ILDR2: variants seen among roughly 807,000 people sequenced by gnomAD.
The protein encoded by ILDR2 is immunoglobulin like domain containing receptor 2.
A neutral mutation model predicts 66.8 loss-of-function variants in ILDR2; 25 were observed. The observed-to-expected ratio is 0.37, with a 90% CI of 0.27 to 0.52. ILDR2 has a LOEUF of 0.52. ILDR2 is among the 20% of genes least tolerant of loss of function. The pLI is 0.88. For synonymous variants in ILDR2, 367 were observed against 357.2 expected, an observed-to-expected ratio of 1.03 and a Z score of -0.31; for missense variants, 827 against 876.8, an observed-to-expected ratio of 0.94 and a Z score of 0.72.
intron 3 of ILDR2, 119 bp downstream of exon 3, chr1:166,956,614 A>C: frequency 9.5e-7 from 1 of 1,050,438 alleles, no homozygotes; most frequent in South Asian, 1.7e-5. Flanking sequence ...GTGTGCATGA[A>C]AGATAAGACT....
chr1:166,954,526 T>TA (rs1347052287), intron 3 of ILDR2, among the ~76,000 whole-genome samples: 1 of 152,216 alleles, frequency 6.6e-6, no homozygotes, highest in African/African-American at 2.4e-5. Flanking sequence ...TGAACATCTC[T>TA]AATGTTGAAC....
intron 1 of ILDR2, among the ~76,000 whole-genome samples, chr1:166,969,037 A>G (rs1339878803): frequency 1.3e-5 from 2 of 152,196 alleles, no homozygotes; most frequent in Non-Finnish European, 2.9e-5. Flanking sequence ...TGTGCCAAAC[A>G]TTGTGCTAGA....
chr1:166,930,629 C>T (rs1273325476), intron 6 of ILDR2, among the ~76,000 whole-genome samples: 1 of 152,104 alleles, frequency 6.6e-6, no homozygotes, highest in Non-Finnish European at 1.5e-5. Flanking sequence ...TATGAAACAC[C>T]AGAAAACCTT....
At position 166,909,754 on chromosome 1, in the gene ILDR2, T is replaced by TAA. The variant is rs1450280557; in HGVS notation, c.*9600_*9601insTT. The TAA allele has an allele frequency of 1.3e-5, 1 of 75,008 alleles. No homozygotes were observed. The highest frequency in any genetic ancestry group is 5.5e-4 in the East Asian group (1 of 1,814). 4.6% of individuals were successfully genotyped at this position (75,008 alleles called of 1,614,324 possible). A position where few individuals can be genotyped will look rare whatever the true frequency, so the allele number is the denominator to read the frequency against. Reference sequence around the variant, plus strand: ...ATACATACATATATATATATATATATATATAAATATATATAAATATATATA... The same window carrying TAA: ...ATACATACATATATATATATATATATAAATATAAATATATATAAATATATATA... On this transcript the variant is annotated 3_prime_UTR_variant, in exon 10 of 10. Coordinates refer to ENST00000271417, the MANE Select transcript of ILDR2 (RefSeq NM_199351.3).
chr1:166,898,005 G>T (rs1200667388), intron 2 of ILDR2, among the ~76,000 whole-genome samples: 1 of 152,196 alleles, frequency 6.6e-6, no homozygotes, highest in African/African-American at 2.4e-5. Flanking sequence ...GATGGAATGT[G>T]CCCTTAACCT....
intron 6 of ILDR2, among the ~76,000 whole-genome samples, chr1:166,930,595 A>G (rs1660580204): frequency 6.6e-6 from 1 of 152,210 alleles, no homozygotes; most frequent in Non-Finnish European, 1.5e-5. Flanking sequence ...ATCTGGCTCT[A>G]TGTCACATAC....
At chr1:166,922,459 A>G (rs1340030351) in intron 8 of ILDR2, 134 bp downstream of exon 8, 9 of 710,956 alleles carry the variant, frequency 1.3e-5, no homozygotes, top group Non-Finnish European at 2.3e-5. Context: ...TCCTGTAGAA[A>G]GAGAGATGTG....
intron 7 of ILDR2, 101 bp from the exon 8 acceptor site, chr1:166,922,910 T>C: frequency 2.0e-6 from 2 of 987,916 alleles, no homozygotes; most frequent in Non-Finnish European, 3.2e-6. Flanking sequence ...TCCAGGAAAC[T>C]CCTGCCTCAT....
At chr1:166,967,444 C>T (rs1030485156) in intron 1 of ILDR2, among the ~76,000 whole-genome samples, 3 of 152,102 alleles carry the variant, frequency 2.0e-5, no homozygotes, top group Non-Finnish European at 2.9e-5. Flanking sequence ...GGAGGGGAAA[C>T]TTCATCTTCT....
rs1386015249 is a variant in ILDR2, at chr1:166,917,414, C to T, written c.*1941G>A. 6.6e-6 allele frequency: 1 copy of T among 152,084 alleles called. No individual in the cohort carries two copies. The highest frequency in any genetic ancestry group is 1.5e-5 in the Non-Finnish European group (1 of 68,042). The allele number at this position is 152,084 out of a possible 1,614,324, so 9.4% of individuals were successfully genotyped here. ...TGGTACTTTGAGAATAGGGTCTAGC[C>T]CCAGTAGGGTGGCTCTGGAGAAGAC... On this transcript the variant is annotated 3_prime_UTR_variant, in exon 10 of 10. Coordinates refer to ENST00000271417, the MANE Select transcript of ILDR2 (RefSeq NM_199351.3).
chr1:166,966,109 C>T (rs1006244297), intron 1 of ILDR2, among the ~76,000 whole-genome samples: 8 of 151,884 alleles, frequency 5.3e-5, no homozygotes, highest in Admixed American at 3.3e-4. Context: ...AACTATTCAT[C>T]GCCTTGATAA....
At chr1:166,957,364 T>C (rs1662341662) in intron 2 of ILDR2, among the ~76,000 whole-genome samples, 2 of 152,168 alleles carry the variant, frequency 1.3e-5, no homozygotes, top group South Asian at 2.1e-4. Context: ...TTTGTATGCA[T>C]ACGTCCCTTC....
rs1043895587 is a variant in ILDR2, at chr1:166,919,038, G to A, written c.*317C>T. On this transcript the variant is annotated 3_prime_UTR_variant, in exon 10 of 10. Transcript: ENST00000271417. ...GCAGTCCAGAGCTAACTCTCTTTCA[G>A]AATTGCAAATGGAGTCCTGGTTCTG... The A allele has an allele frequency of 2.3e-6, 1 of 443,554 alleles. No individual in the cohort carries two copies. Among genetic ancestry groups the A allele is most frequent in the Non-Finnish European group, 4.0e-6 (1 of 251,908 alleles). The allele number at this position is 443,554 out of a possible 1,614,324, so 27.5% of individuals were successfully genotyped here. A position where few individuals can be genotyped will look rare whatever the true frequency, so the allele number is the denominator to read the frequency against.
rs1165014890 is a variant in ILDR2 at position 166,908,814 on chromosome 1, G to A, written c.*10541C>T. ...CTCTGGTAGGATTTGTCACTGAACT[G>A]TGGTAAAAACAGCCTCCCTGAAGCC... On this transcript the variant is annotated 3_prime_UTR_variant, in exon 10 of 10. Coordinates refer to ENST00000271417, the MANE Select transcript of ILDR2 (RefSeq NM_199351.3). The A allele has an allele frequency of 6.6e-6, 1 of 152,220 alleles. No homozygotes were observed. Among genetic ancestry groups the A allele is most frequent in the African/African-American group, 2.4e-5 (1 of 41,454 alleles). 9.4% of individuals were successfully genotyped at this position (152,220 alleles called of 1,614,324 possible).
intron 3 of ILDR2, among the ~76,000 whole-genome samples, chr1:166,941,503 T>C (rs1166097179): frequency 6.6e-6 from 1 of 152,146 alleles, no homozygotes; most frequent in African/African-American, 2.4e-5. Context: ...TATAAAAATA[T>C]CTCTCGGAAA....
chr1:166,919,881 G>T (rs1309539396), intron 9 of ILDR2, among the ~76,000 whole-genome samples: 1 of 152,150 alleles, frequency 6.6e-6, no homozygotes, highest in African/African-American at 2.4e-5. Context: ...ACGGAATGGT[G>T]GGGAGGCAGG....
intron 3 of ILDR2, among the ~76,000 whole-genome samples, chr1:166,952,974 T>C (rs971052602): frequency 1.3e-5 from 2 of 152,164 alleles, no homozygotes; most frequent in African/African-American, 4.8e-5. Flanking sequence ...ACAGAACAAT[T>C]TTATAAACTA....
chr1:166,968,536 C>A (rs1310744998), intron 1 of ILDR2, among the ~76,000 whole-genome samples: 1 of 152,082 alleles, frequency 6.6e-6, no homozygotes, highest in Admixed American at 6.5e-5. Context: ...AATAATTTAA[C>A]CCAGTTGACA....
chr1:166,926,865 C>T (rs1557934550), intron 7 of ILDR2, among the ~76,000 whole-genome samples: 1 of 151,898 alleles, frequency 6.6e-6, no homozygotes, highest in Non-Finnish European at 1.5e-5. Context: ...AAGATGCTAC[C>T]GAATTGCTCT....
Sources: allele counts gnomAD v4.1 joint callset (sites outside exome capture counted in the v4.1 genomes callset), GRCh38; gene constraint gnomAD v4.1.1; transcripts MANE v1.5; gene names NCBI Gene and HGNC (gene_info 2026-07-23, HGNC 2026-07-21).